SPMAP2L: variants seen among roughly 807,000 people sequenced by gnomAD.
SPMAP2L encodes the protein sperm microtubule associated protein 2 like, also known as sperm microtubule associated protein 2-like.
the SPMAP2L span, among the ~76,000 whole-genome samples, chr4:56,610,985 A>G: frequency 6.6e-6 from 1 of 152,226 alleles, no homozygotes; most frequent in Non-Finnish European, 1.5e-5. Context: ...ACACTTCTAC[A>G]TTGCTCATGG....
the SPMAP2L span, among the ~76,000 whole-genome samples, chr4:56,581,850 A>G: frequency 2.6e-5 from 4 of 152,214 alleles, no homozygotes; most frequent in Non-Finnish European, 5.9e-5. Flanking sequence ...CAGAATTGAT[A>G]GTGCAGAAGT....
At chr4:56,558,822 A>G in the SPMAP2L span, among the ~76,000 whole-genome samples, 1 of 151,438 alleles carries the variant, frequency 6.6e-6, no homozygotes, top group Non-Finnish European at 1.5e-5. Context: ...ATGCTTTTTG[A>G]TATATTTTAT....
At chr4:56,593,303 G>A in the SPMAP2L span, 1 of 1,184,836 alleles carries the variant, frequency 8.4e-7, no homozygotes, top group Non-Finnish European at 1.3e-6. Context: ...CACAAGAGGA[G>A]GAAATTTTTT....
chr4:56,618,626 AG>A, the SPMAP2L span, among the ~76,000 whole-genome samples: 2 of 152,160 alleles, frequency 1.3e-5, no homozygotes, highest in Non-Finnish European at 2.9e-5. Context: ...AACAGCATGA[AG>A]GTTACCGCCC....
chr4:56,546,507 A>G, the SPMAP2L span, among the ~76,000 whole-genome samples: 198 of 152,316 alleles, frequency 1.3e-3, no homozygotes, highest in African/African-American at 4.6e-3. Flanking sequence ...AGGTGATTCT[A>G]ATCTGTGGAC....
chr4:56,534,435 G>A, the SPMAP2L span, among the ~76,000 whole-genome samples: 4 of 152,286 alleles, frequency 2.6e-5, no homozygotes, highest in South Asian at 8.3e-4. Context: ...TTAGGTTGAA[G>A]TGACCAATGG....
At chr4:56,535,306 G>T in the SPMAP2L span, among the ~76,000 whole-genome samples, 1 of 152,190 alleles carries the variant, frequency 6.6e-6, no homozygotes, top group African/African-American at 2.4e-5. Context: ...CTAAAAGGCA[G>T]AAATGAAATC....
chr4:56,559,870 A>G, the SPMAP2L span, among the ~76,000 whole-genome samples: 2 of 152,122 alleles, frequency 1.3e-5, no homozygotes, highest in Non-Finnish European at 2.9e-5. Context: ...CCTGGCCTTT[A>G]TCAGGAGTTC....
At chr4:56,537,755 CG>C in the SPMAP2L span, among the ~76,000 whole-genome samples, 1 of 151,722 alleles carries the variant, frequency 6.6e-6, no homozygotes, top group African/African-American at 2.4e-5. Context: ...CAGTGGCGCG[CG>C]ATCTCGGCTC....
At chr4:56,607,335 C>A in the SPMAP2L span, among the ~76,000 whole-genome samples, 1 of 152,150 alleles carries the variant, frequency 6.6e-6, no homozygotes. Context: ...TTACCAGATA[C>A]CGAATCTATT....
chr4:56,551,278 C>T, the SPMAP2L span, among the ~76,000 whole-genome samples: 91 of 152,324 alleles, frequency 6.0e-4, no homozygotes, highest in African/African-American at 2.2e-3. Context: ...TCTTGCCTCA[C>T]TCTTTAATTA....
the SPMAP2L span, among the ~76,000 whole-genome samples, chr4:56,545,777 T>A: frequency 6.6e-6 from 1 of 151,682 alleles, no homozygotes; most frequent in Admixed American, 6.6e-5. Flanking sequence ...CCTTAACAAT[T>A]ACTTAAACAT....
the SPMAP2L span, among the ~76,000 whole-genome samples, chr4:56,589,994 G>A: frequency 2.0e-5 from 3 of 151,998 alleles, no homozygotes; most frequent in Admixed American, 6.6e-5. Flanking sequence ...TTACTGATTT[G>A]GATACCCTTT....
At chr4:56,559,677 C>G in the SPMAP2L span, among the ~76,000 whole-genome samples, 2 of 152,102 alleles carry the variant, frequency 1.3e-5, no homozygotes, top group African/African-American at 4.8e-5. Context: ...ATGCGATTCT[C>G]CTGCCTCAGC....
the SPMAP2L span, among the ~76,000 whole-genome samples, chr4:56,606,626 A>G: frequency 2.6e-5 from 4 of 152,144 alleles, no homozygotes; most frequent in Admixed American, 2.0e-4. Flanking sequence ...GGAAGGATGC[A>G]TCAGGGACTG....
At chr4:56,606,670 T>C in the SPMAP2L span, among the ~76,000 whole-genome samples, 1 of 151,822 alleles carries the variant, frequency 6.6e-6, no homozygotes, top group South Asian at 2.1e-4. Flanking sequence ...CAGAAAGAAA[T>C]AGGAGGTTGT....
chr4:56,535,623 G>A, the SPMAP2L span, among the ~76,000 whole-genome samples: 3 of 152,140 alleles, frequency 2.0e-5, no homozygotes, highest in Non-Finnish European at 2.9e-5. Flanking sequence ...GCTCCCAGCC[G>A]AATAAAGCCC....
the SPMAP2L span, among the ~76,000 whole-genome samples, chr4:56,599,704 C>T: frequency 2.0e-5 from 3 of 152,196 alleles, no homozygotes; most frequent in African/African-American, 7.2e-5. Flanking sequence ...GCTTCCAGCT[C>T]CATCCATATC....
chr4:56,555,061 T>C, the SPMAP2L span, among the ~76,000 whole-genome samples: 1 of 150,572 alleles, frequency 6.6e-6, no homozygotes, highest in Non-Finnish European at 1.5e-5. Context: ...TGCCTCAGCC[T>C]CCCAAGTAGC....
Sources: allele counts gnomAD v4.1 joint callset (sites outside exome capture counted in the v4.1 genomes callset), GRCh38; gene constraint gnomAD v4.1.1; transcripts MANE v1.5; gene names NCBI Gene and HGNC (gene_info 2026-07-23, HGNC 2026-07-21).